NRDC: variants seen among roughly 807,000 people sequenced by gnomAD.
NRDC encodes nardilysin convertase, also known as nardilysin.
Under a neutral mutation model 147.1 loss-of-function variants are expected in NRDC, and 54 were observed. The ratio of observed to expected loss-of-function variants is 0.37; its 90% CI spans 0.29 to 0.46. NRDC has a LOEUF of 0.46. Ranked by LOEUF, NRDC falls within the 20% of genes least tolerant of loss-of-function variation. The pLI, the probability that NRDC is intolerant of heterozygous loss-of-function variation, is 1.00. For synonymous variants in NRDC, 440 were observed against 482.1 expected, an observed-to-expected ratio of 0.91 and a Z score of 1.14; for missense variants, 1,082 against 1,370.6, an observed-to-expected ratio of 0.79 and a Z score of 3.33.
At chr1:51,820,454 G>A (rs1167716135) in intron 8 of NRDC, among the ~76,000 whole-genome samples, 3 of 152,040 alleles carry the variant, frequency 2.0e-5, no homozygotes, top group Non-Finnish European at 4.4e-5. Flanking sequence ...TAATATATGA[G>A]ATTTTTTTTA....
chr1:51,873,329 G>T lies in NRDC; in HGVS notation c.341+4946C>A, dbSNP rs575161969. 2.0e-4 allele frequency among the ~76,000 whole-genome samples: 31 copies of T among 152,204 alleles called. No homozygotes were observed. In the East Asian group the frequency reaches 5.6e-3, roughly 27 times the overall value. On this transcript the variant is annotated intron_variant, in intron 1 of 30. Transcript: ENST00000352171. ...CAAACTATTCAGGAAGCCAACAAAT[G>T]TTAGTGTTCTCAATGCAACTGTTCC...
chr1:51,792,882 A>G (rs376078463), intron 24 of NRDC, among the ~76,000 whole-genome samples: 6 of 152,348 alleles, frequency 3.9e-5, no homozygotes, highest in African/African-American at 1.4e-4. Flanking sequence ...GATAAGAAAA[A>G]TACTTCAGAG....
intron 6 of NRDC, among the ~76,000 whole-genome samples, chr1:51,824,790 C>T (rs1680372590): frequency 6.6e-6 from 1 of 152,204 alleles, no homozygotes; most frequent in South Asian, 2.1e-4. Context: ...CCACCACTTA[C>T]TATCTGTGTG....
At position 51,857,505 on chromosome 1, in the gene NRDC, C is replaced by T. The variant is rs149967582; in HGVS notation, c.342-16991G>A. 7.8e-3 allele frequency among the ~76,000 whole-genome samples: 1,182 copies of T among 152,300 alleles called. 10 individuals carry two copies. Among genetic ancestry groups the T allele is most frequent in the Non-Finnish European group, 0.011 (761 of 68,034 alleles). Reference sequence around the variant, plus strand: ...TTTCAACAGATGTCATGCCCAGGAGCATGGAGTGACCAAGCAAGGTACCCC... The same window carrying T: ...TTTCAACAGATGTCATGCCCAGGAGTATGGAGTGACCAAGCAAGGTACCCC... On this transcript the variant is annotated intron_variant, in intron 1 of 30. Transcript: ENST00000352171.
chr1:51,873,446 C>A (rs1417221714), intron 1 of NRDC, among the ~76,000 whole-genome samples: 3 of 151,878 alleles, frequency 2.0e-5, no homozygotes, highest in South Asian at 2.1e-4. Context: ...ATTCAGCACA[C>A]ACCCACCCAT....
At chr1:51,795,410 A>C (rs1488022629) in intron 22 of NRDC, 2 of 251,348 alleles carry the variant, frequency 8.0e-6, no homozygotes, top group Non-Finnish European at 1.6e-5. Flanking sequence ...GGTGCTCGGA[A>C]AAACAGGCAG....
At chr1:51,820,368 A>C (rs1680160611) in intron 8 of NRDC, among the ~76,000 whole-genome samples, 1 of 152,194 alleles carries the variant, frequency 6.6e-6, no homozygotes, top group Non-Finnish European at 1.5e-5. Context: ...TCCAAAACAC[A>C]GTTGATGCAA....
intron 1 of NRDC, among the ~76,000 whole-genome samples, chr1:51,858,462 C>G (rs1476029282): frequency 2.7e-5 from 4 of 146,314 alleles, no homozygotes; most frequent in Non-Finnish European, 6.0e-5. Context: ...CAGAGGGAAA[C>G]CCTGTCTTTA....
intron 21 of NRDC, 68 bp downstream of exon 21, chr1:51,800,487 AC>A: frequency 6.5e-7 from 1 of 1,550,310 alleles, no homozygotes; most frequent in Non-Finnish European, 8.8e-7. Flanking sequence ...CTTAACCCCC[AC>A]ACCCACCCAC....
At chr1:51,836,322 A>G in intron 2 of NRDC, 110 bp from the exon 3 acceptor site, 9 of 1,598,866 alleles carry the variant, frequency 5.6e-6, no homozygotes, top group Non-Finnish European at 7.7e-6. Flanking sequence ...TAGGAGTAAC[A>G]AAATTCTTTC....
intron 1 of NRDC, among the ~76,000 whole-genome samples, chr1:51,871,100 T>A (rs1457144465): frequency 6.6e-6 from 1 of 152,120 alleles, no homozygotes; most frequent in African/African-American, 2.4e-5. Context: ...GTGGATCACC[T>A]GAGGTCAGGA....
chr1:51,792,537 A>G (rs1678705954), intron 24 of NRDC, 113 bp from the exon 25 acceptor site: 5 of 870,680 alleles, frequency 5.7e-6, no homozygotes, highest in Non-Finnish European at 9.5e-6. Flanking sequence ...GCTCTCCCCC[A>G]AGAGAGTTAA....
chr1:51,815,522 A>G (rs555041911), intron 11 of NRDC, among the ~76,000 whole-genome samples: 1 of 152,324 alleles, frequency 6.6e-6, no homozygotes, highest in African/African-American at 2.4e-5. Flanking sequence ...AGAGTCTGAA[A>G]TTCTAATAAA....
intron 2 of NRDC, among the ~76,000 whole-genome samples, chr1:51,839,060 T>C (rs114019768): frequency 1.4e-3 from 210 of 152,172 alleles, no homozygotes; most frequent in African/African-American, 4.8e-3. Context: ...TCTTTCTTTT[T>C]AAAAAATAAT....
At position 51,829,965 on chromosome 1, in the gene NRDC, CTTTTTTT is replaced by C. The variant is rs941972546; in HGVS notation, c.867-2103_867-2097del. Among the ~76,000 whole-genome samples the C allele has an allele frequency of 3.9e-4, 51 of 131,276 alleles. 1 individual carries two copies. Among genetic ancestry groups the C allele is most frequent in the African/African-American group, 1.5e-3 (51 of 33,040 alleles). 86.1% of individuals were successfully genotyped at this position (131,276 alleles called of 152,430 possible). On this transcript the variant is annotated intron_variant, in intron 4 of 30. Coordinates refer to ENST00000352171, the MANE Select transcript of NRDC (RefSeq NM_001101662.2). ...GTATATTCAAATTTGTCTTTTATTT[CTTTTTTT>C]TTTTTTTTTTGTGACAGAGTCTCGC...
intron 24 of NRDC, chr1:51,794,056 G>A (rs1209646285): frequency 6.2e-6 from 1 of 162,284 alleles, no homozygotes; most frequent in Non-Finnish European, 1.4e-5. Context: ...AAACAGAGGT[G>A]ATAAATCCTT....
intron 4 of NRDC, among the ~76,000 whole-genome samples, chr1:51,831,201 CA>C (rs138272755): frequency 0.014 from 2,090 of 152,248 alleles, 39 homozygotes; most frequent in African/African-American, 0.047. Context: ...TAAAAGGAAA[CA>C]AAACAAATTT....
intron 26 of NRDC, 25 bp from the exon 27 acceptor site, chr1:51,791,686 A>G: frequency 6.4e-7 from 1 of 1,571,424 alleles, no homozygotes; most frequent in Non-Finnish European, 8.8e-7. Context: ...GAAAAGTTAT[A>G]TGAGCTCAGG....
intron 7 of NRDC, among the ~76,000 whole-genome samples, chr1:51,823,340 T>C (rs917561045): frequency 6.6e-6 from 1 of 152,264 alleles, no homozygotes; most frequent in Admixed American, 6.5e-5. Flanking sequence ...AAACCACAGA[T>C]ACAATTGCAG....
Sources: gnomAD v4.1 joint callset for allele counts (sites outside exome capture counted in the v4.1 genomes callset) on GRCh38, gnomAD v4.1.1 for gene constraint, MANE v1.5 for transcripts, NCBI Gene and HGNC (gene_info 2026-07-23, HGNC 2026-07-21) for gene names.